PCCA: variants seen among roughly 807,000 people sequenced by gnomAD.
The protein encoded by PCCA is propionyl-CoA carboxylase subunit alpha.
PCCA carries 74 observed loss-of-function variants against 101.3 expected under a neutral mutation model. The observed-to-expected ratio is 0.73, with a 90% CI of 0.61 to 0.89. The LOEUF is 0.89. PCCA is among the 40% of genes least tolerant of loss of function. PCCA has a pLI of 0.00. For missense variants in PCCA, 891 were observed against 907.0 expected, an observed-to-expected ratio of 0.98 and a Z score of 0.23; for synonymous variants, 294 against 313.6, an observed-to-expected ratio of 0.94 and a Z score of 0.66.
intron 21 of PCCA, among the ~76,000 whole-genome samples, chr13:100,469,597 T>C (rs374740438): frequency 6.6e-6 from 1 of 151,856 alleles, no homozygotes; most frequent in Non-Finnish European, 1.5e-5. Context: ...GCCAACACAG[T>C]GAAACCCCAT....
chr13:100,133,122 G>T (rs2050723951), intron 4 of PCCA, among the ~76,000 whole-genome samples: 1 of 152,158 alleles, frequency 6.6e-6, no homozygotes, highest in African/African-American at 2.4e-5. Flanking sequence ...GTATCTCATT[G>T]TGGTTTTAAT....
rs1381475953 is a variant in PCCA, at chr13:100,213,561, CA to C, written c.600+4099del. Among the ~76,000 whole-genome samples the C allele has an allele frequency of 2.6e-5, 4 of 152,060 alleles. 1 individual carries two copies. Among genetic ancestry groups the C allele is most frequent in the South Asian group, 2.1e-4 (1 of 4,822 alleles). ...GAAATGTCTATTCAGATCTTTTGCC[CA>C]TTTAAAAAATTGGATTATTAGATTT... On this transcript the variant is annotated intron_variant, in intron 7 of 23. Coordinates refer to ENST00000376285, the MANE Select transcript of PCCA (RefSeq NM_000282.4).
chr13:100,256,145 TA>T (rs1024967862), intron 8 of PCCA, among the ~76,000 whole-genome samples: 4 of 152,144 alleles, frequency 2.6e-5, no homozygotes, highest in Middle Eastern at 3.2e-3. Flanking sequence ...TAGCTGGGAC[TA>T]CAGACGCACA....
At chr13:100,191,890 G>A (rs2057767303) in intron 6 of PCCA, among the ~76,000 whole-genome samples, 1 of 152,148 alleles carries the variant, frequency 6.6e-6, no homozygotes, top group African/African-American at 2.4e-5. Context: ...TCCTTCATCA[G>A]TTACAAGGCT....
intron 18 of PCCA, 52 bp from the exon 19 acceptor site, chr13:100,368,420 G>A (rs950107570): frequency 1.2e-5 from 12 of 1,010,104 alleles, no homozygotes; most frequent in Non-Finnish European, 1.7e-5. Context: ...TTAGTTTATT[G>A]AGAAATAATA....
intron 22 of PCCA, among the ~76,000 whole-genome samples, chr13:100,518,599 C>T (rs79280068): frequency 0.046 from 7,048 of 152,118 alleles, 547 homozygotes; most frequent in African/African-American, 0.16. Flanking sequence ...ATAGTTTTTC[C>T]GAACACGTGG....
intron 7 of PCCA, among the ~76,000 whole-genome samples, chr13:100,209,919 A>C (rs962894738): frequency 1.3e-5 from 2 of 151,852 alleles, no homozygotes; most frequent in African/African-American, 4.8e-5. Context: ...GGCGTGAGTC[A>C]CTGCATCCGG....
At chr13:100,196,554 C>T (rs1161921230) in intron 6 of PCCA, among the ~76,000 whole-genome samples, 1 of 152,068 alleles carries the variant, frequency 6.6e-6, no homozygotes, top group Non-Finnish European at 1.5e-5. Flanking sequence ...TGCATTGTGC[C>T]AGTAGACACT....
chr13:100,409,586 G>A (rs908505520), intron 19 of PCCA, among the ~76,000 whole-genome samples: 2 of 152,146 alleles, frequency 1.3e-5, no homozygotes, highest in African/African-American at 2.4e-5. Flanking sequence ...CCAGTGCACA[G>A]GCCAGTTGGA....
chr13:100,523,046 T>C (rs1485613317), intron 22 of PCCA, among the ~76,000 whole-genome samples: 2 of 152,222 alleles, frequency 1.3e-5, no homozygotes, highest in Non-Finnish European at 2.9e-5. Flanking sequence ...TTTTTCTTCC[T>C]GCACTTTCTT....
rs560136554 is a variant in PCCA, at chr13:100,272,803, G to T, written c.915-393G>T. 1.4e-4 allele frequency among the ~76,000 whole-genome samples: 22 copies of T among 152,232 alleles called. No homozygotes were observed. In the East Asian group the frequency reaches 3.7e-3, roughly 25 times the overall value. The stretch of plus-strand genomic sequence containing the variant: ...GCAAGTAGGCAGATTTGTAAATATG[G>T]ACTACATGAGCAATGAGGATTGATT... On this transcript the variant is annotated intron_variant, in intron 11 of 23. Coordinates refer to ENST00000376285, the MANE Select transcript of PCCA (RefSeq NM_000282.4).
intron 6 of PCCA, among the ~76,000 whole-genome samples, chr13:100,197,599 A>C (rs950003824): frequency 1.3e-5 from 2 of 152,046 alleles, no homozygotes; most frequent in African/African-American, 2.4e-5. Flanking sequence ...GCATGCCACC[A>C]TGCCCAGCTA....
chr13:100,443,889 G>T (rs1380919709), intron 20 of PCCA, among the ~76,000 whole-genome samples: 2 of 152,044 alleles, frequency 1.3e-5, no homozygotes, highest in African/African-American at 4.8e-5. Context: ...TTGTAGTGGT[G>T]TTTTACTCGG....
chr13:100,188,755 C>G (rs766985291), intron 6 of PCCA, among the ~76,000 whole-genome samples: 3 of 152,126 alleles, frequency 2.0e-5, no homozygotes, highest in African/African-American at 7.2e-5. Context: ...GCCATTCTTG[C>G]AGGAGTAAGG....
intron 1 of PCCA, among the ~76,000 whole-genome samples, chr13:100,095,092 C>T (rs1024927518): frequency 6.6e-6 from 1 of 152,198 alleles, no homozygotes; most frequent in Non-Finnish European, 1.5e-5. Context: ...CTTCTGGTGG[C>T]TGCATTCATT....
chr13:100,511,177 T>A (rs1314969727), intron 21 of PCCA, among the ~76,000 whole-genome samples: 1 of 152,270 alleles, frequency 6.6e-6, no homozygotes, highest in Non-Finnish European at 1.5e-5. Context: ...CTGAACTGTT[T>A]TAACTCATAT....
At chr13:100,479,368 G>T (rs916094647) in intron 21 of PCCA, among the ~76,000 whole-genome samples, 7 of 152,084 alleles carry the variant, frequency 4.6e-5, no homozygotes, top group Non-Finnish European at 8.8e-5. Context: ...GGGGGCTAGG[G>T]ATATCAACCC....
chr13:100,101,799 C>T (rs1373511895), intron 1 of PCCA, among the ~76,000 whole-genome samples: 3 of 151,982 alleles, frequency 2.0e-5, no homozygotes, highest in Admixed American at 6.6e-5. Flanking sequence ...GACGGGATTT[C>T]GCCATTTTGG....
intron 9 of PCCA, among the ~76,000 whole-genome samples, chr13:100,260,607 G>A (rs192992808): frequency 2.8e-4 from 43 of 151,996 alleles, no homozygotes; most frequent in Non-Finnish European, 4.4e-4. Flanking sequence ...GTGTTGCCCA[G>A]GCTGGTCTCT....
Sources: gnomAD v4.1 joint callset for allele counts (sites outside exome capture counted in the v4.1 genomes callset) on GRCh38, gnomAD v4.1.1 for gene constraint, MANE v1.5 for transcripts, NCBI Gene and HGNC (gene_info 2026-07-23, HGNC 2026-07-21) for gene names.